The following RANBP3L variants were observed in gnomAD, a reference collection of about 807,000 sequenced individuals.
RANBP3L encodes RAN binding protein 3 like.
In RANBP3L, 56 loss-of-function variants were observed where a neutral mutation model predicts 67.2. The observed-to-expected ratio is 0.83, with a 90% CI of 0.67 to 1.04. The LOEUF is 1.04. Among genes scored for constraint, RANBP3L ranks in the 50% least tolerant of loss-of-function variants. The pLI is 0.00. For missense variants in RANBP3L, 496 were observed against 535.5 expected, an observed-to-expected ratio of 0.93 and a Z score of 0.73; for synonymous variants, 164 against 181.4, an observed-to-expected ratio of 0.90 and a Z score of 0.77.
In RANBP3L at chr5:36,272,687, G is replaced by C. The variant is rs142757744; in HGVS notation, c.92-1376C>G. On this transcript the variant is annotated intron_variant, in intron 1 of 13. Coordinates refer to ENST00000296604, the MANE Select transcript of RANBP3L (RefSeq NM_145000.5). ...AGTCTTGCTCTTGTTGCCGAGGCTC[G>C]AGTGTAATGGCCAATGGCTCAATCT... Among the ~76,000 whole-genome samples the C allele has an allele frequency of 7.4e-3, 1,129 of 152,094 alleles. 10 individuals are homozygous for C. The highest frequency in any genetic ancestry group is 0.013 in the Non-Finnish European group (858 of 67,990).
At chr5:36,251,222 TC>T (rs1376543752) in intron 13 of RANBP3L, 90 bp downstream of exon 13, 3 of 1,066,580 alleles carry the variant, frequency 2.8e-6, no homozygotes, top group Non-Finnish European at 4.0e-6. Flanking sequence ...ACAGAGCAGT[TC>T]CACTTGTTAA....
At chr5:36,290,048 A>G (rs1403718052) in intron 1 of RANBP3L, among the ~76,000 whole-genome samples, 1 of 152,146 alleles carries the variant, frequency 6.6e-6, no homozygotes, top group East Asian at 1.9e-4. Flanking sequence ...AGGTTGAGGA[A>G]GTTGCTCTAT....
intron 6 of RANBP3L, among the ~76,000 whole-genome samples, 197 bp downstream of exon 6, chr5:36,264,762 G>A (rs1351406034): frequency 6.6e-6 from 1 of 152,122 alleles, no homozygotes; most frequent in East Asian, 1.9e-4. Context: ...ACTTTAGAGA[G>A]ACCACAGATT....
At chr5:36,292,590 A>T (rs554718141) in intron 1 of RANBP3L, among the ~76,000 whole-genome samples, 1 of 152,232 alleles carries the variant, frequency 6.6e-6, no homozygotes, top group Non-Finnish European at 1.5e-5. Flanking sequence ...AGGTGTAAGG[A>T]AGGGACCCAG....
intron 1 of RANBP3L, among the ~76,000 whole-genome samples, chr5:36,294,901 GT>G (rs1029232490): frequency 1.6e-3 from 228 of 146,822 alleles, no homozygotes; most frequent in African/African-American, 5.2e-3. Flanking sequence ...ATACATATAT[GT>G]GTGTATATAT....
intron 12 of RANBP3L, among the ~76,000 whole-genome samples, chr5:36,252,665 T>C (rs986096446): frequency 3.3e-5 from 5 of 152,082 alleles, no homozygotes; most frequent in African/African-American, 1.2e-4. Flanking sequence ...TCTCTGAAGA[T>C]GGAATCTAGT....
chr5:36,253,814 A>G, intron 11 of RANBP3L, 25 bp from the exon 12 acceptor site: 1 of 1,610,208 alleles, frequency 6.2e-7, no homozygotes, highest in Admixed American at 1.7e-5. Flanking sequence ...TGACTACATC[A>G]GGCCACAGAA....
Position 36,249,657 on chromosome 5 carries a change from T to C in RANBP3L, c.1395A>G (p.Ser465=). 6.4e-7 allele frequency: 1 copy of C among 1,554,838 alleles called. No homozygotes were observed. The highest frequency in any genetic ancestry group is 8.8e-7 in the Non-Finnish European group (1 of 1,138,488). ...TCATGTTTATAGTAGGTAGTATTCA[T>C]GAACAGGCAACCGACTGTCTGTGAG... ...SWTHRQSVAC[S] is the part of the protein sequence containing the mutation. Residue 465 remains serine (S), a synonymous_variant, in exon 14 of 14, where the codon TCA becomes TCG. Coordinates refer to ENST00000296604, the MANE Select transcript of RANBP3L (RefSeq NM_145000.5).
intron 1 of RANBP3L, among the ~76,000 whole-genome samples, chr5:36,292,833 G>A (rs146249247): frequency 5.3e-5 from 8 of 152,178 alleles, no homozygotes; most frequent in Admixed American, 1.3e-4. Context: ...GTCAGGTAGC[G>A]TGATGCCTGC....
At chr5:36,260,136 G>A (rs1325394490) in intron 8 of RANBP3L, among the ~76,000 whole-genome samples, 3 of 151,454 alleles carry the variant, frequency 2.0e-5, no homozygotes, top group Admixed American at 6.6e-5. Context: ...GGCAGATGAC[G>A]AGGTCAGGAG....
Position 36,247,471 on chromosome 5 carries a change from T to C in RANBP3L, c.*2183A>G, listed in dbSNP as rs185934770. Among the ~76,000 whole-genome samples the C allele has an allele frequency of 7.3e-4, 111 of 152,352 alleles. No individual in the cohort carries two copies. The highest frequency in any genetic ancestry group is 2.5e-3 in the African/African-American group (106 of 41,592). ...TAAGATAGTTAATTTTTTCCATTGA[T>C]ATATGCGGAGAAATCTAAAGAAAAT... On this transcript the variant is annotated 3_prime_UTR_variant, in exon 14 of 14. Transcript: ENST00000296604.
At position 36,298,410 on chromosome 5, in the gene RANBP3L, G is replaced by A. The variant is rs370106220; in HGVS notation, c.91+2916C>T. Among the ~76,000 whole-genome samples, 11 of 152,250 alleles carry A rather than the reference G, an allele frequency of 7.2e-5. No homozygotes were observed. In the East Asian group the frequency reaches 2.1e-3, roughly 29 times the overall value. On this transcript the variant is annotated intron_variant, in intron 1 of 13. Transcript: ENST00000296604. ...GTCTGTATGCTAAATAATAGAGGCA[G>A]AACTTTAGGCTGGCTGGGGAAAGGC... is the stretch of plus-strand genomic sequence containing the variant.
At chr5:36,286,879 T>G (rs937045510) in intron 1 of RANBP3L, among the ~76,000 whole-genome samples, 4 of 152,160 alleles carry the variant, frequency 2.6e-5, no homozygotes, top group African/African-American at 9.7e-5. Flanking sequence ...ACCTTCTTAA[T>G]GAGGTCTTCC....
intron 1 of RANBP3L, among the ~76,000 whole-genome samples, chr5:36,288,641 A>G (rs531237640): frequency 6.6e-6 from 1 of 152,200 alleles, no homozygotes; most frequent in South Asian, 2.1e-4. Flanking sequence ...TCATGTTATC[A>G]CCATTTAAAA....
Position 36,257,117 on chromosome 5 carries a change from T to C in RANBP3L, c.773-46A>G, listed in dbSNP as rs1015184877. On this transcript the variant is annotated intron_variant, in intron 9 of 13. Coordinates refer to ENST00000296604, the MANE Select transcript of RANBP3L (RefSeq NM_145000.5). ...AACACTTAAAAGTCCCCATTTTCTC[T>C]ACTGTGAAAGTTCTTTGTTGCCCCT... is the stretch of plus-strand genomic sequence containing the variant. 8 of 1,554,608 alleles carry C rather than the reference T, an allele frequency of 5.1e-6. No homozygotes were observed. In the East Asian group the frequency reaches 9.0e-5, roughly 18 times the overall value.
At chr5:36,290,294 T>C (rs1210873200) in intron 1 of RANBP3L, among the ~76,000 whole-genome samples, 1 of 150,568 alleles carries the variant, frequency 6.6e-6, no homozygotes, top group Non-Finnish European at 1.5e-5. Flanking sequence ...CTTGACTCAC[T>C]ACAACATTTA....
intron 8 of RANBP3L, among the ~76,000 whole-genome samples, chr5:36,257,945 AT>A (rs1483980033): frequency 8.5e-4 from 129 of 152,320 alleles, no homozygotes; most frequent in African/African-American, 3.0e-3. Context: ...AAAAAGTATA[AT>A]TCAATTTAAT....
intron 7 of RANBP3L, 27 bp from the exon 8 acceptor site, chr5:36,260,891 A>G (rs1215423784): frequency 1.0e-6 from 1 of 964,488 alleles, no homozygotes; most frequent in Non-Finnish European, 1.6e-6. Flanking sequence ...AGCATTTACT[A>G]TTTTAAATAC....
chr5:36,282,467 A>C (rs1251798540), intron 1 of RANBP3L, among the ~76,000 whole-genome samples: 4 of 152,190 alleles, frequency 2.6e-5, no homozygotes, highest in Admixed American at 1.3e-4. Flanking sequence ...AGTCCAGATA[A>C]ATTTAAATCC....
Sources: gnomAD v4.1 joint callset for allele counts (sites outside exome capture counted in the v4.1 genomes callset) on GRCh38, gnomAD v4.1.1 for gene constraint, MANE v1.5 for transcripts, NCBI Gene and HGNC (gene_info 2026-07-23, HGNC 2026-07-21) for gene names.